Variants in ZNF536 observed in about 807,000 individuals in gnomAD.
The protein encoded by ZNF536 is zinc finger protein 536.
ZNF536 carries 13 observed loss-of-function variants against 84.5 expected under a neutral mutation model. That is an observed-to-expected ratio of 0.15 (90% CI 0.10 to 0.24). The LOEUF is 0.24. Ranked by LOEUF, ZNF536 falls within the 10% of genes least tolerant of loss-of-function variation. The probability of loss-of-function intolerance (pLI) is 1.00; values close to 1 mark genes in which losing one functional copy is unlikely to be tolerated. For missense variants in ZNF536, 1,536 were observed against 1,747.5 expected, an observed-to-expected ratio of 0.88 and a Z score of 2.16; for synonymous variants, 811 against 742.5, an observed-to-expected ratio of 1.09 and a Z score of -1.50.
chr19:30,489,806 T>C (rs567952057), intron 2 of ZNF536, among the ~76,000 whole-genome samples: 2 of 152,376 alleles, frequency 1.3e-5, no homozygotes, highest in East Asian at 3.9e-4. Context: ...TTCATACCTT[T>C]CCATATGTTC....
intron 2 of ZNF536, among the ~76,000 whole-genome samples, chr19:30,451,640 A>C (rs1398004807): frequency 6.6e-6 from 1 of 152,302 alleles, no homozygotes; most frequent in Middle Eastern, 3.4e-3. Context: ...CTGCTCCAGC[A>C]CTTAACAGGC....
At chr19:30,668,573 T>C (rs2050420258) in intron 1 of ZNF536, 1 of 152,130 alleles carries the variant, frequency 6.6e-6, no homozygotes, top group Non-Finnish European at 1.5e-5. Flanking sequence ...GCCACCAAAG[T>C]TTGTTACCTT....
At chr19:30,460,074 C>A (rs748955832) in intron 2 of ZNF536, among the ~76,000 whole-genome samples, 1 of 152,130 alleles carries the variant, frequency 6.6e-6, no homozygotes, top group African/African-American at 2.4e-5. Context: ...ACCTCACATC[C>A]CCATGCCACC....
intron 2 of ZNF536, among the ~76,000 whole-genome samples, chr19:30,347,816 T>G (rs959384208): frequency 6.6e-6 from 1 of 152,188 alleles, no homozygotes; most frequent in Non-Finnish European, 1.5e-5. Context: ...TTTTGCAAAA[T>G]GCTCCTAGCT....
At chr19:30,673,587 T>C (rs2050643267) in intron 1 of ZNF536, among the ~76,000 whole-genome samples, 1 of 152,072 alleles carries the variant, frequency 6.6e-6, no homozygotes, top group South Asian at 2.1e-4. Context: ...AAAGCAATAG[T>C]AAAAGAGTCA....
In ZNF536 at chr19:30,658,028, C is replaced by T. The variant is rs79297096; in HGVS notation, c.170-52729C>T. ...TCAATGGCTTTCCATTCCCCCCCCCCTTTTTTTTCCTTCAGATCGTGTCTC... is the reference window on the plus strand; with the variant it reads ...TCAATGGCTTTCCATTCCCCCCCCCTTTTTTTTTCCTTCAGATCGTGTCTC... On this transcript the variant is annotated intron_variant, in intron 1 of 1. Transcript: ENST00000592773. Among the ~76,000 whole-genome samples, 12 of 102,334 alleles carry T rather than the reference C, an allele frequency of 1.2e-4. No individual in the cohort carries two copies. In the South Asian group the frequency reaches 2.7e-3, roughly 23 times the overall value. 67.1% of individuals were successfully genotyped at this position (102,334 alleles called of 152,430 possible). A position where few individuals can be genotyped will look rare whatever the true frequency, so the allele number is the denominator to read the frequency against.
At chr19:30,355,449 G>A (rs778561229) in intron 3 of ZNF536, among the ~76,000 whole-genome samples, 36 of 152,082 alleles carry the variant, frequency 2.4e-4, no homozygotes, top group Non-Finnish European at 5.0e-4. Context: ...GTGCAGTGGC[G>A]TGATTTTGGC....
At chr19:30,568,641 AG>A (rs1240492508) in intron 1 of ZNF536, among the ~76,000 whole-genome samples, 2 of 152,154 alleles carry the variant, frequency 1.3e-5, no homozygotes, top group Non-Finnish European at 2.9e-5. Context: ...GCAGACATAC[AG>A]GGCAGGTCCA....
At chr19:30,383,701 C>CTTTCTTTCTCTTTCTT (rs1555737833) in intron 1 of ZNF536, among the ~76,000 whole-genome samples, 8 of 11,562 alleles carry the variant, frequency 6.9e-4, no homozygotes, top group East Asian at 1.6e-3. Context: ...TCTTTTCTTT[C>CTTTCTTTCTCTTTCTT]TCTTTCTTTC....
chr19:30,474,352 G>A (rs1353299301), intron 2 of ZNF536, among the ~76,000 whole-genome samples: 1 of 151,954 alleles, frequency 6.6e-6, no homozygotes, highest in Non-Finnish European at 1.5e-5. Context: ...TGTGTGAAAT[G>A]ATTAGGGGGT....
At chr19:30,583,479 G>A (rs967396034) in intron 1 of ZNF536, among the ~76,000 whole-genome samples, 7 of 152,198 alleles carry the variant, frequency 4.6e-5, no homozygotes, top group East Asian at 1.9e-4. Flanking sequence ...GGGCTTCCTC[G>A]GCAGCTGGAA....
intron 1 of ZNF536, among the ~76,000 whole-genome samples, chr19:30,631,735 C>T (rs915543113): frequency 2.0e-5 from 3 of 152,188 alleles, no homozygotes; most frequent in Non-Finnish European, 2.9e-5. Flanking sequence ...CTCCTGAGGC[C>T]GACTGCTTCT....
At chr19:30,454,463 T>C in intron 2 of ZNF536, among the ~76,000 whole-genome samples, 1 of 152,236 alleles carries the variant, frequency 6.6e-6, no homozygotes, top group East Asian at 1.9e-4. Context: ...GTGTATGCAG[T>C]GGTGGTTTTC....
At chr19:30,624,995 G>A (rs767515997) in intron 1 of ZNF536, among the ~76,000 whole-genome samples, 2 of 152,130 alleles carry the variant, frequency 1.3e-5, no homozygotes, top group Non-Finnish European at 2.9e-5. Flanking sequence ...AGTTTCCTGA[G>A]GGCCTCCCCA....
At chr19:30,542,419 C>T (rs963307569) in intron 3 of ZNF536, among the ~76,000 whole-genome samples, 1 of 152,224 alleles carries the variant, frequency 6.6e-6, no homozygotes, top group Non-Finnish European at 1.5e-5. Context: ...TATTCTAAAG[C>T]TAAATCTATA....
intron 1 of ZNF536, among the ~76,000 whole-genome samples, chr19:30,249,379 G>T (rs2024475518): frequency 6.6e-6 from 1 of 151,000 alleles, no homozygotes; most frequent in South Asian, 2.1e-4. Context: ...CAAGGAGGAG[G>T]GGGAGGAGGA....
chr19:30,445,485 C>G lies in ZNF536; in HGVS notation c.1923C>G (p.Arg641=), dbSNP rs2148226758. 6.2e-7 allele frequency: 1 copy of G among 1,614,130 alleles called. No individual in the cohort carries two copies. Among genetic ancestry groups the G allele is most frequent in the South Asian group, 1.1e-5 (1 of 91,082 alleles). ...GCCCCGACTGCGGCCGGGTGTTCCG[C>G]ACTTACCACCAGGTGGTCGTGCACT... ...TECPDCGRVF[R]TYHQVVVHSR... Residue 641 remains arginine, a synonymous_variant, in exon 2 of 5, where the codon CGC becomes CGG. Transcript: ENST00000355537. This position sits in a 1 kb window ranked among gnomAD's most constrained non-coding sequence, Gnocchi z 4.5.
chr19:30,439,620 T>A (rs1331547438), intron 1 of ZNF536, among the ~76,000 whole-genome samples: 1 of 152,168 alleles, frequency 6.6e-6, no homozygotes, highest in Admixed American at 6.5e-5. Context: ...GCTCGAGGAA[T>A]CACAGAGGAT....
intron 2 of ZNF536, among the ~76,000 whole-genome samples, chr19:30,513,973 G>C (rs1163899268): frequency 6.6e-6 from 1 of 152,244 alleles, no homozygotes; most frequent in Non-Finnish European, 1.5e-5. Context: ...GTTGGGTGCT[G>C]TGTGGGACAC....
Sources: gnomAD v4.1 joint callset for allele counts (sites outside exome capture counted in the v4.1 genomes callset) on GRCh38, gnomAD v4.1.1 for gene constraint, Gnocchi (gnomAD v3.1) non-coding constraint, MANE v1.5 for transcripts, NCBI Gene and HGNC (gene_info 2026-07-23, HGNC 2026-07-21) for gene names.